BTBD7: variants seen among roughly 807,000 people sequenced by gnomAD.
BTBD7 encodes BTB domain containing 7.
In BTBD7, 38 loss-of-function variants were observed where a neutral mutation model predicts 99.9. The ratio of observed to expected loss-of-function variants is 0.38; its 90% CI spans 0.29 to 0.50. BTBD7 has a LOEUF of 0.50. Ranked by LOEUF, BTBD7 falls within the 20% of genes least tolerant of loss-of-function variation. BTBD7 has a pLI of 0.93. For missense variants in BTBD7, 1,170 were observed against 1,394.6 expected (o/e 0.84, Z 2.57); for synonymous variants, 520 against 511.4 (o/e 1.02, Z -0.23).
chr14:93,329,206 A>G (rs1168458503), intron 1 of BTBD7, among the ~76,000 whole-genome samples: 1 of 152,196 alleles, frequency 6.6e-6, no homozygotes, highest in Non-Finnish European at 1.5e-5. Context: ...ATTAGAAAAC[A>G]GGGAAATAAT....
At chr14:93,304,604 G>A (rs12431720) in intron 1 of BTBD7, among the ~76,000 whole-genome samples, 21,014 of 152,182 alleles carry the variant, frequency 0.14, 2,044 homozygotes, top group African/African-American at 0.28. Context: ...TGCCGGCCTC[G>A]TCTTCCCAGA....
At position 93,257,291 on chromosome 14, in the gene BTBD7, C is replaced by G; in HGVS notation, c.1512G>C (p.Leu504=). ...VNKRGVKRRD[L]DMEELREILS... Reference sequence around the variant, plus strand: ...GGATCTCTCTGAGCTCTTCCATGTCCAGGTCCCGTCTTTTTACACCTCTTT... The same window carrying G: ...GGATCTCTCTGAGCTCTTCCATGTCGAGGTCCCGTCTTTTTACACCTCTTT... Residue 504 remains leucine, a synonymous_variant, in exon 6 of 11, where the codon CTG becomes CTC. Coordinates refer to ENST00000334746, the MANE Select transcript of BTBD7 (RefSeq NM_001002860.4). 6.2e-7 allele frequency: 1 copy of G among 1,614,072 alleles called. No homozygotes were observed. Among genetic ancestry groups the G allele is most frequent in the East Asian group, 2.2e-5 (1 of 44,864 alleles).
At chr14:93,290,723 C>T (rs2052842079) in intron 3 of BTBD7, among the ~76,000 whole-genome samples, 1 of 151,402 alleles carries the variant, frequency 6.6e-6, no homozygotes. Flanking sequence ...TGGAGACTCA[C>T]TCTGTCGCCC....
At chr14:93,318,950 C>T (rs952642213) in intron 1 of BTBD7, among the ~76,000 whole-genome samples, 4 of 152,316 alleles carry the variant, frequency 2.6e-5, no homozygotes, top group Admixed American at 2.6e-4. Flanking sequence ...GATGCGGGGG[C>T]TCACGCCTGT....
In BTBD7 at chr14:93,245,839, A is replaced by ATGCTGCTGC. The variant is rs756424655; in HGVS notation, c.2560_2568dup (p.Ala854_Ala856dup). 1 of 1,612,026 alleles carries ATGCTGCTGC rather than the reference A, an allele frequency of 6.2e-7. No homozygotes were observed. Among genetic ancestry groups the ATGCTGCTGC allele is most frequent in the Middle Eastern group, 1.7e-4 (1 of 5,976 alleles). ...TGTTGACTTACCACTTGCTTCTCAG[A>ATGCTGCTGC]TGCTGCTGCTGCTGCTGCTGTTGCT... On this transcript the variant is annotated inframe_insertion, in exon 10 of 11. Coordinates refer to ENST00000334746, the MANE Select transcript of BTBD7 (RefSeq NM_001002860.4).
chr14:93,238,528 T>A lies in BTBD7; in HGVS notation c.*3745A>T, dbSNP rs1204225395. On this transcript the variant is annotated 3_prime_UTR_variant, in exon 11 of 11. Transcript: ENST00000334746. ...CTTTGTCACTCCAGAAAGCTGAAAG[T>A]CAACCGAACAATGAAAAAAAGTCAA... is the stretch of plus-strand genomic sequence containing the variant. The A allele has an allele frequency of 6.6e-6, 1 of 152,530 alleles. No individual in the cohort carries two copies. The highest frequency in any genetic ancestry group is 1.5e-5 in the Non-Finnish European group (1 of 68,028). The allele number at this position is 152,530 out of a possible 1,614,324, so 9.4% of individuals were successfully genotyped here. A position where few individuals can be genotyped will look rare whatever the true frequency, so the allele number is the denominator to read the frequency against.
At position 93,239,450 on chromosome 14, in the gene BTBD7, CT is replaced by C. The variant is rs562052567; in HGVS notation, c.*2822del. On this transcript the variant is annotated 3_prime_UTR_variant, in exon 11 of 11. Coordinates refer to ENST00000334746, the MANE Select transcript of BTBD7 (RefSeq NM_001002860.4). ...AAATTTTATTTTATATATATATATG[CT>C]TTTTTTTTTTTTCTGAGAGCAACCT... 2.4e-3 allele frequency: 340 copies of C among 141,970 alleles called. 2 individuals are homozygous for C. Among genetic ancestry groups the C allele is most frequent in the East Asian group, 4.1e-3 (20 of 4,902 alleles). 8.8% of individuals were successfully genotyped at this position (141,970 alleles called of 1,614,324 possible). A position where few individuals can be genotyped will look rare whatever the true frequency, so the allele number is the denominator to read the frequency against.
intron 5 of BTBD7, among the ~76,000 whole-genome samples, chr14:93,259,611 C>T (rs1328458827): frequency 1.3e-5 from 2 of 152,210 alleles, no homozygotes; most frequent in African/African-American, 2.4e-5. Flanking sequence ...ATAAAAGCTA[C>T]GAATGAGAAC....
intron 1 of BTBD7, among the ~76,000 whole-genome samples, chr14:93,310,560 C>T (rs574137719): frequency 3.3e-5 from 5 of 152,178 alleles, no homozygotes; most frequent in Admixed American, 6.5e-5. Context: ...GCGTGGGTAA[C>T]GTGGTGAAAC....
intron 3 of BTBD7, among the ~76,000 whole-genome samples, chr14:93,281,753 A>T (rs187717110): frequency 8.7e-4 from 133 of 152,348 alleles, no homozygotes; most frequent in Middle Eastern, 3.4e-3. Flanking sequence ...TGGCCACAGT[A>T]TATCACTAAT....
At position 93,290,072 on chromosome 14, in the gene BTBD7, C is replaced by T. The variant is rs997205124; in HGVS notation, c.1162+3786G>A. Among the ~76,000 whole-genome samples the T allele has an allele frequency of 5.9e-5, 9 of 151,962 alleles. No homozygotes were observed. The South Asian group carries it at 8.3e-4, about 14-fold the overall frequency. On this transcript the variant is annotated intron_variant, in intron 3 of 10. Coordinates refer to ENST00000334746, the MANE Select transcript of BTBD7 (RefSeq NM_001002860.4). The stretch of plus-strand genomic sequence containing the variant: ...TTCACCATGTTGGCCAGGCTGGTCT[C>T]GAACTCCTGACTTCAGGTGATCCGC...
intron 10 of BTBD7, 138 bp from the exon 11 acceptor site, chr14:93,243,226 C>G: frequency 2.5e-6 from 2 of 807,062 alleles, no homozygotes; most frequent in South Asian, 1.9e-5. Flanking sequence ...CAGAGTCTCG[C>G]TCTGTCGCCC....
In BTBD7 at chr14:93,239,165, G is replaced by C. The variant is rs1040091427; in HGVS notation, c.*3108C>G. The C allele has an allele frequency of 3.3e-5, 5 of 152,392 alleles. No homozygotes were observed. The highest frequency in any genetic ancestry group is 7.3e-5 in the Non-Finnish European group (5 of 68,028). The allele number at this position is 152,392 out of a possible 1,614,324, so 9.4% of individuals were successfully genotyped here. On this transcript the variant is annotated 3_prime_UTR_variant, in exon 11 of 11. Coordinates refer to ENST00000334746, the MANE Select transcript of BTBD7 (RefSeq NM_001002860.4). Reference sequence around the variant, plus strand: ...TTCCTTAGGAGCCACGGGTGACTCTGAACTTCAATTATTCATCAAAATCAC... The same window carrying C: ...TTCCTTAGGAGCCACGGGTGACTCTCAACTTCAATTATTCATCAAAATCAC...
At chr14:93,252,737 G>A (rs2052383225) in intron 7 of BTBD7, among the ~76,000 whole-genome samples, 1 of 151,896 alleles carries the variant, frequency 6.6e-6, no homozygotes, top group Non-Finnish European at 1.5e-5. Flanking sequence ...ACACTGTTTT[G>A]TCTGTTAAAT....
At chr14:93,317,003 C>T (rs1566863927) in intron 1 of BTBD7, among the ~76,000 whole-genome samples, 1 of 152,178 alleles carries the variant, frequency 6.6e-6, no homozygotes, top group Non-Finnish European at 1.5e-5. Flanking sequence ...ATCTGTTTAA[C>T]TTTGTTTAAT....
chr14:93,283,410 T>C (rs2052743009), intron 3 of BTBD7, among the ~76,000 whole-genome samples: 1 of 152,224 alleles, frequency 6.6e-6, no homozygotes. Flanking sequence ...AAAAGAAATT[T>C]AGACATTTAA....
intron 3 of BTBD7, among the ~76,000 whole-genome samples, chr14:93,280,174 T>C (rs2052702359): frequency 1.3e-5 from 2 of 152,180 alleles, no homozygotes; most frequent in Admixed American, 6.5e-5. Context: ...GGCACAAAAA[T>C]AACAACTAAT....
Position 93,257,266 on chromosome 14 carries a change from G to A in BTBD7, c.1537C>T (p.Leu513Phe). 2 of 1,613,970 alleles carry A rather than the reference G, an allele frequency of 1.2e-6. No individual in the cohort carries two copies. The highest frequency in any genetic ancestry group is 1.1e-5 in the South Asian group (1 of 91,066). Residue 513 changes from leucine to phenylalanine, a missense_variant, in exon 6 of 11, where the codon CTT becomes TTT. Physicochemically the swap from Leu to Phe is conservative, Grantham distance 22. This residue lies in a region of BTBD7 where 309 missense variants were observed against 342.0 expected (regional missense o/e 0.90). Coordinates refer to ENST00000334746, the MANE Select transcript of BTBD7 (RefSeq NM_001002860.4). ...CGCACAAAAGGTAAGAGAGAAGAAA[G>A]GATCTCTCTGAGCTCTTCCATGTCC... is the stretch of plus-strand genomic sequence containing the variant. ...DLDMEELREI[L>F]SSLLPFVRIE...
At chr14:93,244,086 G>A (rs1259127762) in intron 10 of BTBD7, 1 of 478,676 alleles carries the variant, frequency 2.1e-6, no homozygotes, top group East Asian at 6.0e-5. Context: ...TGACACAGTA[G>A]AGGAAGGGCA....
Sources: allele counts gnomAD v4.1 joint callset (sites outside exome capture counted in the v4.1 genomes callset), GRCh38; gene constraint gnomAD v4.1.1; regional missense constraint gnomAD v4.1.1; transcripts MANE v1.5; gene names NCBI Gene and HGNC (gene_info 2026-07-23, HGNC 2026-07-21).